The following XKR9 variants were observed in gnomAD, a reference collection of about 807,000 sequenced individuals.
The protein encoded by XKR9 is XK related 9.
A neutral mutation model predicts 32.0 loss-of-function variants in XKR9; 32 were observed. The observed-to-expected ratio is 1.00, with a 90% CI of 0.76 to 1.34. XKR9 has a LOEUF of 1.34. XKR9 is among the 40% of genes most tolerant of loss of function. The pLI is 0.00. For missense variants in XKR9, 546 were observed against 429.7 expected (o/e 1.27, Z -2.39); for synonymous variants, 168 against 143.4 (o/e 1.17, Z -1.22).
Position 70,681,308 on chromosome 8 carries a change from T to G in XKR9, c.250T>G (p.Leu84Val). The G allele has an allele frequency of 6.2e-7, 1 of 1,612,434 alleles. No homozygotes were observed. The highest frequency in any genetic ancestry group is 1.7e-4 in the Middle Eastern group (1 of 6,046). ...SQHCFLLLHC[L>V]QGGVFTRYWF... ...GCATTGTTTTCTTCTACTTCATTGC[T>G]TGCAAGGAGGAGTTTTTACAAGGTG... Residue 84 changes from leucine to valine, a missense_variant, in exon 3 of 5, where the codon TTG (leucine) becomes GTG (valine). Coordinates refer to ENST00000408926, the MANE Select transcript of XKR9 (RefSeq NM_001011720.2).
chr8:70,720,345 AG>A (rs954740195), intron 4 of XKR9, among the ~76,000 whole-genome samples: 40 of 152,096 alleles, frequency 2.6e-4, no homozygotes, highest in African/African-American at 8.4e-4. Flanking sequence ...GTTGAATAGG[AG>A]TGGTGAGAGA....
chr8:70,885,541 A>G, the XKR9 span, among the ~76,000 whole-genome samples: 2 of 151,472 alleles, frequency 1.3e-5, no homozygotes, highest in African/African-American at 4.9e-5. Flanking sequence ...TGCATTATGT[A>G]TTTGTCCTAA....
chr8:70,858,782 G>T, the XKR9 span, among the ~76,000 whole-genome samples: 3 of 152,180 alleles, frequency 2.0e-5, no homozygotes, highest in South Asian at 2.1e-4. Context: ...AATAAATGGT[G>T]CTGGGAAAAC....
rs1807517662 is a variant in XKR9, at chr8:70,776,164, A to C, written n.353-13175A>C. On this transcript the variant is annotated intron_variant and non_coding_transcript_variant, in intron 2 of 3. Coordinates refer to the XKR9 transcript ENST00000520273. ...TATTTTCTAAAAGAGTTCTTTTTAA[A>C]ACTCTTTGCAAGTGAAGTCATCTGA... is the stretch of plus-strand genomic sequence containing the variant. Among the ~76,000 whole-genome samples the C allele has an allele frequency of 2.0e-5, 3 of 152,200 alleles. No homozygotes were observed. In the South Asian group the frequency reaches 6.2e-4, roughly 32 times the overall value.
At chr8:70,786,291 T>A (rs1246685820) in intron 2 of XKR9, among the ~76,000 whole-genome samples, 1 of 152,130 alleles carries the variant, frequency 6.6e-6, no homozygotes, top group African/African-American at 2.4e-5. Context: ...GTTAGATCCA[T>A]TTAGTCTAAA....
chr8:70,704,805 A>G (rs1805663464), intron 3 of XKR9, among the ~76,000 whole-genome samples: 1 of 152,240 alleles, frequency 6.6e-6, no homozygotes, highest in South Asian at 2.1e-4. Flanking sequence ...AAAAGGCTAA[A>G]ACACGACTTT....
At chr8:70,738,275 C>T (rs983504461), downstream of XKR9, among the ~76,000 whole-genome samples, 3 of 143,762 alleles carry the variant, frequency 2.1e-5, no homozygotes, top group Admixed American at 1.4e-4. Flanking sequence ...TTATAGTATT[C>T]TCTGATGGTA....
At chr8:70,696,945 A>G (rs1172665643) in intron 3 of XKR9, among the ~76,000 whole-genome samples, 5 of 150,536 alleles carry the variant, frequency 3.3e-5, no homozygotes, top group African/African-American at 1.2e-4. Flanking sequence ...CTTTGAAGCA[A>G]TTGTGAATGG....
chr8:70,892,707 T>G, the XKR9 span, among the ~76,000 whole-genome samples: 1 of 152,226 alleles, frequency 6.6e-6, no homozygotes, highest in Non-Finnish European at 1.5e-5. Context: ...GTCTGCTGTA[T>G]GTGAATATGG....
chr8:70,816,700 G>A, the XKR9 span, among the ~76,000 whole-genome samples: 3 of 152,052 alleles, frequency 2.0e-5, no homozygotes, highest in Non-Finnish European at 4.4e-5. Flanking sequence ...ATCCTTGCAA[G>A]CCCGAAGAGA....
chr8:70,934,214 G>A, the XKR9 span, among the ~76,000 whole-genome samples: 4 of 151,992 alleles, frequency 2.6e-5, no homozygotes, highest in Non-Finnish European at 5.9e-5. Flanking sequence ...ATATTCTGTT[G>A]AAATGGAATG....
chr8:70,818,184 TTTTG>T, the XKR9 span, among the ~76,000 whole-genome samples: 1 of 138,622 alleles, frequency 7.2e-6, no homozygotes, highest in African/African-American at 2.5e-5. Flanking sequence ...GTTGTTGTTT[TTTTG>T]TTTATTTATT....
At chr8:70,801,677 C>A in the XKR9 span, among the ~76,000 whole-genome samples, 1 of 152,138 alleles carries the variant, frequency 6.6e-6, no homozygotes, top group Admixed American at 6.5e-5. Context: ...GTCTGTTAGG[C>A]CCATTTGGTC....
chr8:70,703,567 A>T (rs1355885277), intron 3 of XKR9, among the ~76,000 whole-genome samples: 1 of 152,100 alleles, frequency 6.6e-6, no homozygotes, highest in Non-Finnish European at 1.5e-5. Context: ...CTCCACCTCA[A>T]ATATCATCAC....
chr8:70,881,730 A>G, the XKR9 span, among the ~76,000 whole-genome samples: 4 of 152,218 alleles, frequency 2.6e-5, no homozygotes, highest in Admixed American at 6.5e-5. Context: ...ATATAGAACT[A>G]GAATTACCAT....
chr8:70,824,781 G>A, the XKR9 span, among the ~76,000 whole-genome samples: 158 of 152,094 alleles, frequency 1.0e-3, 1 homozygote, highest in Middle Eastern at 6.8e-3. Context: ...CATGAAGCAA[G>A]CTATTTTATA....
At chr8:70,785,049 T>A (rs1807664654) in intron 2 of XKR9, among the ~76,000 whole-genome samples, 1 of 152,086 alleles carries the variant, frequency 6.6e-6, no homozygotes, top group Non-Finnish European at 1.5e-5. Flanking sequence ...GTGTTACTTC[T>A]TTTTTGATTT....
At chr8:71,038,554 C>G in the XKR9 span, among the ~76,000 whole-genome samples, 1 of 151,596 alleles carries the variant, frequency 6.6e-6, no homozygotes, top group Non-Finnish European at 1.5e-5. Context: ...CTCCTGACCT[C>G]GTGATCACCC....
the XKR9 span, among the ~76,000 whole-genome samples, chr8:70,860,342 C>T: frequency 6.6e-5 from 10 of 152,032 alleles, no homozygotes; most frequent in East Asian, 1.9e-4. Flanking sequence ...GAAGATACAA[C>T]GAGAAGTTGG....
Sources: gnomAD v4.1 joint callset for allele counts (sites outside exome capture counted in the v4.1 genomes callset) on GRCh38, gnomAD v4.1.1 for gene constraint, MANE v1.5 for transcripts, NCBI Gene and HGNC (gene_info 2026-07-23, HGNC 2026-07-21) for gene names.